CSMD1: variants seen among roughly 807,000 people sequenced by gnomAD.
CSMD1 encodes the protein CUB and sushi domain-containing protein 1.
CSMD1 carries 213 observed loss-of-function variants against 417.5 expected under a neutral mutation model. The observed-to-expected ratio is 0.51, with a 90% CI of 0.46 to 0.57. The LOEUF is 0.57. CSMD1 is among the 20% of genes least tolerant of loss of function. The pLI is 0.00. For synonymous variants in CSMD1, 2,862 were observed against 1,736.8 expected (o/e 1.65, Z -16.11); for missense variants, 6,923 against 4,529.7 (o/e 1.53, Z -15.17).
intron 23 of CSMD1, among the ~76,000 whole-genome samples, chr8:3,325,193 C>T (rs28593177): frequency 0.13 from 19,659 of 152,172 alleles, 1,633 homozygotes; most frequent in African/African-American, 0.24. Context: ...CTTCCTGAGA[C>T]GGTGTCCAGG....
At chr8:3,796,892 G>T (rs769957423) in intron 5 of CSMD1, among the ~76,000 whole-genome samples, 1 of 151,472 alleles carries the variant, frequency 6.6e-6, no homozygotes, top group Non-Finnish European at 1.5e-5. Flanking sequence ...AATTCCTCAC[G>T]GTTCTGCCTA....
intron 1 of CSMD1, among the ~76,000 whole-genome samples, chr8:4,731,502 A>G (rs1206427800): frequency 7.2e-5 from 11 of 152,224 alleles, no homozygotes; most frequent in African/African-American, 2.7e-4. Flanking sequence ...ATTCAGATAT[A>G]TGATGTCATA....
chr8:4,916,156 GT>G (rs1806054604), intron 1 of CSMD1, among the ~76,000 whole-genome samples: 1 of 152,206 alleles, frequency 6.6e-6, no homozygotes, highest in Non-Finnish European at 1.5e-5. Flanking sequence ...GCATAAAAAT[GT>G]TTTTATAAAA....
intron 2 of CSMD1, among the ~76,000 whole-genome samples, chr8:4,474,078 C>G (rs768262348): frequency 1.3e-5 from 2 of 151,994 alleles, no homozygotes; most frequent in Non-Finnish European, 2.9e-5. Flanking sequence ...ATAATGTATG[C>G]AATTACAATC....
intron 3 of CSMD1, among the ~76,000 whole-genome samples, chr8:4,388,915 A>T (rs560553472): frequency 1.6e-4 from 25 of 152,274 alleles, no homozygotes; most frequent in African/African-American, 5.8e-4. Context: ...CTATTTGTTC[A>T]AAGTTACTAA....
intron 7 of CSMD1, among the ~76,000 whole-genome samples, chr8:3,649,915 G>C (rs913626759): frequency 2.0e-5 from 3 of 151,774 alleles, no homozygotes; most frequent in Non-Finnish European, 4.4e-5. Flanking sequence ...TTTGTGCATG[G>C]TATATGTAAC....
intron 41 of CSMD1, among the ~76,000 whole-genome samples, chr8:3,137,950 C>A (rs1419791517): frequency 6.6e-6 from 1 of 152,202 alleles, no homozygotes; most frequent in Non-Finnish European, 1.5e-5. Context: ...CCCGGCTGGG[C>A]GCAGTGGCTC....
chr8:4,689,567 A>G (rs745453931), intron 1 of CSMD1, among the ~76,000 whole-genome samples: 1 of 152,224 alleles, frequency 6.6e-6, no homozygotes, highest in Non-Finnish European at 1.5e-5. Flanking sequence ...GTTACAATAC[A>G]TTTTTGAAAA....
intron 11 of CSMD1, among the ~76,000 whole-genome samples, chr8:3,483,547 A>T (rs928389820): frequency 6.6e-6 from 1 of 152,130 alleles, no homozygotes; most frequent in African/African-American, 2.4e-5. Context: ...CTACTAATTT[A>T]TAAGTAACAA....
At chr8:4,800,813 C>T (rs779369927) in intron 1 of CSMD1, among the ~76,000 whole-genome samples, 1 of 152,220 alleles carries the variant, frequency 6.6e-6, no homozygotes, top group Non-Finnish European at 1.5e-5. Context: ...GGGAGGGCAC[C>T]TGAGTGGTGG....
At chr8:4,247,785 A>T (rs1284857914) in intron 3 of CSMD1, among the ~76,000 whole-genome samples, 1 of 152,162 alleles carries the variant, frequency 6.6e-6, no homozygotes, top group East Asian at 1.9e-4. Flanking sequence ...AGAATCTGAA[A>T]AAAGTACTGT....
intron 3 of CSMD1, among the ~76,000 whole-genome samples, chr8:4,358,528 A>C (rs1801566020): frequency 6.6e-6 from 1 of 152,212 alleles, no homozygotes; most frequent in African/African-American, 2.4e-5. Flanking sequence ...CCGCAGATGC[A>C]GAGGTGACGA....
intron 1 of CSMD1, among the ~76,000 whole-genome samples, chr8:4,751,762 T>C (rs1673253): frequency 6.6e-6 from 1 of 152,070 alleles, no homozygotes; most frequent in Non-Finnish European, 1.5e-5. Context: ...GTGTCTGACA[T>C]TGAGGACCTC....
chr8:3,271,499 T>G (rs78047670), intron 26 of CSMD1, among the ~76,000 whole-genome samples: 14 of 138,236 alleles, frequency 1.0e-4, no homozygotes, highest in South Asian at 2.4e-4. Flanking sequence ...CTGACGAATG[T>G]CCACACTGAC....
chr8:3,388,319 T>C (rs1451744058), intron 17 of CSMD1, among the ~76,000 whole-genome samples: 1 of 152,222 alleles, frequency 6.6e-6, no homozygotes, highest in Non-Finnish European at 1.5e-5. Flanking sequence ...TATGATCATA[T>C]CATTATGAGA....
chr8:3,826,323 G>C (rs552540626), intron 5 of CSMD1, among the ~76,000 whole-genome samples: 17 of 152,260 alleles, frequency 1.1e-4, no homozygotes, highest in Admixed American at 9.2e-4. Flanking sequence ...CTGGGGGCTT[G>C]AAATGAGCTA....
chr8:3,291,291 T>G (rs1223676081), intron 25 of CSMD1, among the ~76,000 whole-genome samples: 1 of 152,192 alleles, frequency 6.6e-6, no homozygotes, highest in African/African-American at 2.4e-5. Context: ...ATTCTCTTTT[T>G]TTGTTGTGTC....
chr8:4,530,665 G>A (rs1796765235), intron 2 of CSMD1, among the ~76,000 whole-genome samples: 1 of 151,274 alleles, frequency 6.6e-6, no homozygotes, highest in African/African-American at 2.4e-5. Flanking sequence ...TCCCTGCAAA[G>A]GGCATGAACT....
intron 12 of CSMD1, among the ~76,000 whole-genome samples, chr8:3,440,607 C>T (rs1476500793): frequency 6.6e-6 from 1 of 152,100 alleles, no homozygotes; most frequent in African/African-American, 2.4e-5. Context: ...GTCAGGTTTA[C>T]TGTTTTTCTT....
Sources: allele counts gnomAD v4.1 joint callset (sites outside exome capture counted in the v4.1 genomes callset), GRCh38; gene constraint gnomAD v4.1.1; transcripts MANE v1.5; gene names NCBI Gene and HGNC (gene_info 2026-07-23, HGNC 2026-07-21).